Variants in SCAND1 observed in about 807,000 individuals in gnomAD.
The protein encoded by SCAND1 is SCAN domain containing 1.
Under a neutral mutation model 3.4 loss-of-function variants are expected in SCAND1, and 3 were observed. The ratio of observed to expected loss-of-function variants is 0.87; its 90% confidence interval spans 0.40 to 2.25. The LOEUF (loss-of-function observed/expected upper bound fraction) is 2.25. Among genes scored for constraint, SCAND1 ranks in the 30% most tolerant of loss-of-function variants. The probability of loss-of-function intolerance (pLI) is 0.05; values close to 1 mark genes in which losing one functional copy is unlikely to be tolerated. For synonymous variants in SCAND1, 152 were observed against 120.5 expected (o/e 1.26, Z -1.72); for missense variants, 303 against 258.8 (o/e 1.17, Z -1.17).
Position 35,953,898 on chromosome 20 carries a change from C to T in SCAND1, c.387G>A (p.Leu129=). Residue 129 remains leucine, a synonymous_variant, in exon 2 of 2, where the codon CTG becomes CTA. Transcript: ENST00000305978. ...GCAGCCACTGGCGGGACAGCTCCCG[C>T]AGCTGCCGGAAAGCCTCCCGGGGAC... The part of the protein sequence containing the change: ...AAGPREAFRQ[L]RELSRQWLRP... The T allele has an allele frequency of 1.3e-6, 2 of 1,558,880 alleles. No homozygotes were observed. The highest frequency in any genetic ancestry group is 1.7e-6 in the Non-Finnish European group (2 of 1,154,618).
chr20:35,954,714 C>A, upstream of SCAND1: 2 of 989,310 alleles, frequency 2.0e-6, no homozygotes, highest in Non-Finnish European at 2.7e-6. Context: ...AGATAGACTT[C>A]AAGTCCCGGA....
rs776402482 is a variant in SCAND1, at chr20:35,953,788, G to T, written c.497C>A (p.Ala166Asp). 1.3e-6 allele frequency: 2 copies of T among 1,508,462 alleles called. No homozygotes were observed. The highest frequency in any genetic ancestry group is 1.3e-5 in the South Asian group (1 of 79,848). 93.4% of individuals were successfully genotyped at this position (1,508,462 alleles called of 1,614,324 possible). A position where few individuals can be genotyped will look rare whatever the true frequency, so the allele number is the denominator to read the frequency against. ...LLAILPEAAR[A>D]RRIRRRTDVR... The stretch of plus-strand genomic sequence containing the variant: ...ATCCGTGCGGCGGCGGATCCGCCGG[G>T]CCCGAGCCGCCTCGGGCAGGATGGC... The change falls in exon 2 of 2, where the codon GCC (alanine) becomes GAC (aspartate). Residue 166 changes from alanine to aspartate, a missense_variant. By Grantham distance (126) the Ala-to-Asp change is moderately radical. Transcript: ENST00000305978.
chr20:35,957,134 AGGAG>A (rs2056264245), upstream of SCAND1, among the ~76,000 whole-genome samples: 2 of 152,194 alleles, frequency 1.3e-5, no homozygotes, highest in Non-Finnish European at 2.9e-5. Flanking sequence ...TAGAGATAGG[AGGAG>A]GGACCTGAGA....
At position 35,954,286 on chromosome 20, in the gene SCAND1, ACTCCAG is replaced by A; in HGVS notation, c.-8_-3del. 1 of 1,613,148 alleles carries A rather than the reference ACTCCAG, an allele frequency of 6.2e-7. No individual in the cohort carries two copies. On this transcript the variant is annotated 5_prime_UTR_variant, in exon 2 of 2. Transcript: ENST00000305978. ...CAAGATCGGCTCCGTAGCCGCCATA[ACTCCAG>A]CTCCGGGCGTCACTCTTTGTCCGGT...
At chr20:35,954,745 G>C (rs778341481), upstream of SCAND1, 13 of 704,190 alleles carry the variant, frequency 1.8e-5, no homozygotes, top group Admixed American at 3.8e-5. Context: ...GCGCCGCTTC[G>C]GTTTGCAGGT....
chr20:35,954,130 C>T lies in SCAND1; in HGVS notation c.155G>A (p.Ser52Asn). The change falls in exon 2 of 2, where the codon AGT becomes AAT. Residue 52 changes from serine to asparagine, a missense_variant. Physicochemically the swap from Ser to Asn is conservative, Grantham distance 46. Transcript: ENST00000305978. ...GGCTTCAGGGACCGCGGCGTTGGGACTGGAAGGCTCAGGGGCAGGCGGTGA... is the reference window on the plus strand; with the variant it reads ...GGCTTCAGGGACCGCGGCGTTGGGATTGGAAGGCTCAGGGGCAGGCGGTGA... ...EASPPAPEPSSPNAAVPEAIP... is the reference protein window; with the variant it reads ...EASPPAPEPSNPNAAVPEAIP... 1.3e-6 allele frequency: 2 copies of T among 1,562,680 alleles called. No homozygotes were observed. Among genetic ancestry groups the T allele is most frequent in the East Asian group, 2.4e-5 (1 of 41,884 alleles).
At chr20:35,954,527 G>A (rs1049569361), upstream of SCAND1, 2 of 1,522,330 alleles carry the variant, frequency 1.3e-6, no homozygotes, top group East Asian at 2.6e-5. Context: ...GCGAGCACCC[G>A]GAAGCCGCTT....
At chr20:35,958,680 C>T (rs928381650), upstream of SCAND1, among the ~76,000 whole-genome samples, 3 of 151,696 alleles carry the variant, frequency 2.0e-5, no homozygotes, top group South Asian at 2.1e-4. Context: ...GCAATTTTAT[C>T]GTGTGTGGAT....
At chr20:35,957,438 A>G (rs768243250), upstream of SCAND1, among the ~76,000 whole-genome samples, 1 of 151,634 alleles carries the variant, frequency 6.6e-6, no homozygotes. Context: ...AATACAAAAA[A>G]TTAGCTGGGC....
rs35562811 is a variant in SCAND1, at chr20:35,954,482, G to A, written c.-90C>T. Reference sequence around the variant, plus strand: ...CGAAGCGCCTGCGGCAGCCGGAAGCGAAAGTCTCTGGCTTCTCTGCGTCCA... The same window carrying A: ...CGAAGCGCCTGCGGCAGCCGGAAGCAAAAGTCTCTGGCTTCTCTGCGTCCA... On this transcript the variant is annotated 5_prime_UTR_variant, in exon 1 of 2. Coordinates refer to ENST00000305978, the MANE Select transcript of SCAND1 (RefSeq NM_033630.3). 9 of 1,545,776 alleles carry A rather than the reference G, an allele frequency of 5.8e-6. No individual in the cohort carries two copies. The highest frequency in any genetic ancestry group is 2.5e-5 in the East Asian group (1 of 40,744).
At chr20:35,957,566 T>A (rs1026552258), upstream of SCAND1, among the ~76,000 whole-genome samples, 1 of 151,986 alleles carries the variant, frequency 6.6e-6, no homozygotes, top group Non-Finnish European at 1.5e-5. Flanking sequence ...ACATTCAGAT[T>A]CCCAGAATCT....
upstream of SCAND1, among the ~76,000 whole-genome samples, chr20:35,958,035 G>A (rs1022743494): frequency 2.0e-5 from 3 of 152,236 alleles, no homozygotes; most frequent in Admixed American, 2.0e-4. Flanking sequence ...AGAGACCTCA[G>A]TGCCTTTTGA....
chr20:35,953,843 C>A lies in SCAND1; in HGVS notation c.442G>T (p.Val148Leu). 6.3e-7 allele frequency: 1 copy of A among 1,585,572 alleles called. No individual in the cohort carries two copies. The highest frequency in any genetic ancestry group is 8.6e-7 in the Non-Finnish European group (1 of 1,168,194). The change falls in exon 2 of 2, where the codon GTG becomes TTG. Residue 148 changes from valine to leucine, a missense_variant. Transcript: ENST00000305978. Reference sequence around the variant, plus strand: ...AGCTGCTCTTGCACCAGCATCTCCACGATCTGCTCCTTGGTGCGGATGTCA... The same window carrying A: ...AGCTGCTCTTGCACCAGCATCTCCAAGATCTGCTCCTTGGTGCGGATGTCA... ...RPDIRTKEQIVEMLVQEQLLA... is the reference protein window; with the variant it reads ...RPDIRTKEQILEMLVQEQLLA...
upstream of SCAND1, among the ~76,000 whole-genome samples, chr20:35,957,047 T>C (rs1272122252): frequency 2.0e-5 from 3 of 152,216 alleles, no homozygotes; most frequent in Non-Finnish European, 4.4e-5. Context: ...AATGAACTTT[T>C]GTGGCACCTG....
upstream of SCAND1, among the ~76,000 whole-genome samples, chr20:35,957,995 A>C (rs567663931): frequency 3.9e-3 from 590 of 152,348 alleles, 1 homozygote; most frequent in Non-Finnish European, 5.6e-3. Context: ...CTGAGAAGGC[A>C]GAGCTCTCAT....
chr20:35,954,721 C>A, upstream of SCAND1: 2 of 929,856 alleles, frequency 2.2e-6, no homozygotes, highest in Non-Finnish European at 2.9e-6. Flanking sequence ...CTTCAAGTCC[C>A]GGACCTTATC....
In SCAND1 at chr20:35,954,352, G is replaced by A; in HGVS notation, c.-55-13C>T. On this transcript the variant is annotated splice_polypyrimidine_tract_variant and intron_variant, in intron 1 of 1. Coordinates refer to ENST00000305978, the MANE Select transcript of SCAND1 (RefSeq NM_033630.3). ...CTCAGCACTGCGTCTGCGCGGGGGT[G>A]GGGTGAGCAGGGAGACGTTTCCGGT... The A allele has an allele frequency of 6.2e-7, 1 of 1,602,792 alleles. No individual in the cohort carries two copies. Among genetic ancestry groups the A allele is most frequent in the Non-Finnish European group, 8.5e-7 (1 of 1,174,646 alleles).
At chr20:35,955,333 C>T (rs918538967), upstream of SCAND1, 1 of 152,124 alleles carries the variant, frequency 6.6e-6, no homozygotes, top group Non-Finnish European at 1.5e-5. Flanking sequence ...TAATGTTTTG[C>T]ATATATTGGG....
At chr20:35,954,739 C>G, upstream of SCAND1, 2 of 798,818 alleles carry the variant, frequency 2.5e-6, no homozygotes, top group Non-Finnish European at 3.5e-6. Context: ...ATCCGTGCGC[C>G]GCTTCGGTTT....
Sources: allele counts gnomAD v4.1 joint callset (sites outside exome capture counted in the v4.1 genomes callset), GRCh38; gene constraint gnomAD v4.1.1; transcripts MANE v1.5; gene names NCBI Gene and HGNC (gene_info 2026-07-23, HGNC 2026-07-21).